MTRF1: variants seen among roughly 807,000 people sequenced by gnomAD.
MTRF1 encodes mitochondrial translation release factor 1.
A neutral mutation model predicts 62.9 loss-of-function variants in MTRF1; 51 were observed. That is an observed-to-expected ratio of 0.81 (90% confidence interval 0.65 to 1.02). The LOEUF (loss-of-function observed/expected upper bound fraction) is 1.02, where lower values mean the gene tolerates loss of function less well. Ranked by LOEUF, MTRF1 falls within the 50% of genes least tolerant of loss-of-function variation. MTRF1 has a pLI of 0.00. For missense variants in MTRF1, 446 were observed against 530.0 expected, an observed-to-expected ratio of 0.84 and a Z score of 1.56; for synonymous variants, 158 against 181.9, an observed-to-expected ratio of 0.87 and a Z score of 1.06.
At chr13:41,233,633 C>T (rs1292241531) in intron 7 of MTRF1, among the ~76,000 whole-genome samples, 2 of 152,090 alleles carry the variant, frequency 1.3e-5, no homozygotes, top group East Asian at 3.9e-4. Flanking sequence ...GGCTGGGGCA[C>T]CTCTGTTTGC....
chr13:41,253,041 AATCAGC>A lies in MTRF1; in HGVS notation c.508-17_508-12del. ...AAGGCTCTGGAAAAGCTGGAATAAA[AATCAGC>A]ATTTGTGTGTATATTTTCCCCGGTA... On this transcript the variant is annotated splice_polypyrimidine_tract_variant and intron_variant, in intron 3 of 9. Coordinates refer to ENST00000379480, the MANE Select transcript of MTRF1 (RefSeq NM_004294.4). The A allele has an allele frequency of 1.3e-6, 2 of 1,581,532 alleles. No individual in the cohort carries two copies. The highest frequency in any genetic ancestry group is 1.7e-6 in the Non-Finnish European group (2 of 1,159,800).
the MTRF1 span, among the ~76,000 whole-genome samples, chr13:41,289,679 C>T: frequency 2.0e-5 from 3 of 152,174 alleles, no homozygotes; most frequent in Admixed American, 6.5e-5. Flanking sequence ...ATCTGATCCA[C>T]GACAGCTTTC....
the MTRF1 span, among the ~76,000 whole-genome samples, chr13:41,278,457 G>A: frequency 3.9e-5 from 6 of 152,210 alleles, no homozygotes; most frequent in Non-Finnish European, 7.3e-5. Flanking sequence ...TATGCCCTAT[G>A]TAAACGGAGA....
At chr13:41,240,547 A>G (rs1234466613) in intron 5 of MTRF1, 114 bp from the exon 6 acceptor site, 4 of 926,110 alleles carry the variant, frequency 4.3e-6, no homozygotes, top group Non-Finnish European at 6.0e-6. Flanking sequence ...AGATGAGAAC[A>G]TAAAGCATGG....
At chr13:41,302,817 G>C in the MTRF1 span, among the ~76,000 whole-genome samples, 1 of 152,118 alleles carries the variant, frequency 6.6e-6, no homozygotes, top group African/African-American at 2.4e-5. Flanking sequence ...GAGCCACTGC[G>C]CCTGGCCTAG....
chr13:41,259,701 CAA>C (rs67069580), intron 2 of MTRF1, among the ~76,000 whole-genome samples: 8 of 29,272 alleles, frequency 2.7e-4, no homozygotes, highest in African/African-American at 7.5e-4. Context: ...GACTCCGTCT[CAA>C]AAAAAAAAAA....
chr13:41,264,020 C>T (rs1183318298), upstream of MTRF1, among the ~76,000 whole-genome samples: 1 of 152,142 alleles, frequency 6.6e-6, no homozygotes, highest in Non-Finnish European at 1.5e-5. Context: ...AGATTTAGAA[C>T]ACATTGCATG....
At chr13:41,278,397 G>C in the MTRF1 span, among the ~76,000 whole-genome samples, 1 of 151,952 alleles carries the variant, frequency 6.6e-6, no homozygotes, top group Non-Finnish European at 1.5e-5. Context: ...CCCTGTTACA[G>C]AGTTTTTGTG....
At chr13:41,306,548 T>A in the MTRF1 span, among the ~76,000 whole-genome samples, 1 of 152,204 alleles carries the variant, frequency 6.6e-6, no homozygotes, top group Non-Finnish European at 1.5e-5. Context: ...CTATTTGATT[T>A]TAGGTTGCCA....
chr13:41,259,708 A>AC (rs57877797), intron 2 of MTRF1, among the ~76,000 whole-genome samples: 72,951 of 141,428 alleles, frequency 0.52, 20,733 homozygotes, highest in South Asian at 0.61. Context: ...TCTCAAAAAA[A>AC]AAAAAAAAAA....
chr13:41,227,574 G>A (rs920871353), intron 7 of MTRF1, among the ~76,000 whole-genome samples: 3 of 152,252 alleles, frequency 2.0e-5, no homozygotes, highest in Admixed American at 1.3e-4. Context: ...TCTTGAGGCT[G>A]TGTTGTTCTT....
At chr13:41,246,931 T>C (rs1322472395) in intron 5 of MTRF1, among the ~76,000 whole-genome samples, 1 of 152,246 alleles carries the variant, frequency 6.6e-6, no homozygotes, top group African/African-American at 2.4e-5. Flanking sequence ...ACAGGCAAGT[T>C]AGTTCCACGC....
the MTRF1 span, among the ~76,000 whole-genome samples, chr13:41,273,196 G>C: frequency 1.9e-4 from 29 of 151,954 alleles, no homozygotes; most frequent in Admixed American, 1.4e-3. Context: ...CGTGGTGGTG[G>C]GCGCCTGTAG....
At chr13:41,272,259 T>G in the MTRF1 span, among the ~76,000 whole-genome samples, 1 of 152,188 alleles carries the variant, frequency 6.6e-6, no homozygotes, top group African/African-American at 2.4e-5. Flanking sequence ...GGGATTCAAG[T>G]CATTAAAAGC....
chr13:41,290,259 C>A, the MTRF1 span, among the ~76,000 whole-genome samples: 1 of 149,974 alleles, frequency 6.7e-6, no homozygotes, highest in Non-Finnish European at 1.5e-5. Flanking sequence ...CACCTACGTC[C>A]GGCTAATTTT....
chr13:41,240,117 C>T lies in MTRF1; in HGVS notation c.870+144G>A, dbSNP rs536727127. The T allele has an allele frequency of 3.5e-5, 24 of 691,424 alleles. 1 individual carries two copies. The East Asian group carries it at 4.3e-4, about 12-fold the overall frequency. The allele number at this position is 691,424 out of a possible 1,614,324, so 42.8% of individuals were successfully genotyped here. A position where few individuals can be genotyped will look rare whatever the true frequency, so the allele number is the denominator to read the frequency against. ...GGTGGAGGTTGCAGTGAGCAGAGATCGCGCCACTGTACTCCAACCTGGGCG... is the reference window on the plus strand; with the variant it reads ...GGTGGAGGTTGCAGTGAGCAGAGATTGCGCCACTGTACTCCAACCTGGGCG... On this transcript the variant is annotated intron_variant, in intron 6 of 9. Transcript: ENST00000379480.
chr13:41,231,742 A>T (rs978410046), intron 7 of MTRF1, among the ~76,000 whole-genome samples: 2 of 152,106 alleles, frequency 1.3e-5, no homozygotes, highest in Admixed American at 1.3e-4. Flanking sequence ...GAAATTTCCA[A>T]CATGAAAGTA....
At chr13:41,268,612 C>G in the MTRF1 span, among the ~76,000 whole-genome samples, 1 of 152,082 alleles carries the variant, frequency 6.6e-6, no homozygotes, top group South Asian at 2.1e-4. Flanking sequence ...ATTTTAGCAT[C>G]AGGCTACAAC....
chr13:41,245,417 T>A (rs2038115053), intron 5 of MTRF1, among the ~76,000 whole-genome samples: 1 of 152,118 alleles, frequency 6.6e-6, no homozygotes, highest in South Asian at 2.1e-4. Context: ...ATTTTTAAAA[T>A]TTTTTGTAGA....
Sources: gnomAD v4.1 joint callset for allele counts (sites outside exome capture counted in the v4.1 genomes callset) on GRCh38, gnomAD v4.1.1 for gene constraint, MANE v1.5 for transcripts, NCBI Gene and HGNC (gene_info 2026-07-23, HGNC 2026-07-21) for gene names.